The following NFIB variants were observed in gnomAD, a reference collection of about 807,000 sequenced individuals.
NFIB encodes nuclear factor I B, also known as nuclear factor 1 B-type.
A neutral mutation model predicts 61.5 loss-of-function variants in NFIB; 11 were observed. That is an observed-to-expected ratio of 0.18 (90% CI 0.11 to 0.30). The LOEUF (loss-of-function observed/expected upper bound fraction) is 0.30, where lower values mean the gene tolerates loss of function less well. Ranked by LOEUF, NFIB falls within the 10% of genes least tolerant of loss-of-function variation. NFIB has a pLI of 1.00. For synonymous variants in NFIB, 260 were observed against 216.5 expected (o/e 1.20, Z -1.76); for missense variants, 471 against 608.9 (o/e 0.77, Z 2.38).
chr9:14,439,426 A>AT, the NFIB span, among the ~76,000 whole-genome samples: 3 of 152,206 alleles, frequency 2.0e-5, no homozygotes, highest in Admixed American at 2.0e-4. Context: ...CTGTGTTTAA[A>AT]TTTCCTTCCT....
intron 1 of NFIB, among the ~76,000 whole-genome samples, chr9:14,386,916 G>C (rs147209676): frequency 1.3e-4 from 20 of 152,298 alleles, no homozygotes; most frequent in Admixed American, 5.9e-4. Flanking sequence ...TTAAAGGAAA[G>C]TCGGTTGCAT....
intron 1 of NFIB, among the ~76,000 whole-genome samples, chr9:14,322,735 G>T (rs2132825637): frequency 6.6e-6 from 1 of 152,046 alleles, no homozygotes; most frequent in East Asian, 1.9e-4. Context: ...GGCGGGAGCG[G>T]GCCCGAGTGG....
chr9:14,350,952 A>G (rs546927028), intron 1 of NFIB, among the ~76,000 whole-genome samples: 1 of 152,306 alleles, frequency 6.6e-6, no homozygotes, highest in East Asian at 1.9e-4. Flanking sequence ...CGACCTTTCT[A>G]CCCACTAGAC....
intron 1 of NFIB, among the ~76,000 whole-genome samples, chr9:14,310,336 T>C (rs10733281): frequency 0.89 from 135,247 of 152,132 alleles, 60,971 homozygotes; most frequent in Non-Finnish European, 0.96. Flanking sequence ...TTCACTATTA[T>C]GTGAATTCAA....
chr9:14,255,197 A>G (rs955791561), intron 2 of NFIB, among the ~76,000 whole-genome samples: 2 of 152,164 alleles, frequency 1.3e-5, no homozygotes, highest in Non-Finnish European at 2.9e-5. Flanking sequence ...AACTCCAACA[A>G]GGATGACAAA....
At chr9:14,385,570 T>C (rs2061540047) in intron 1 of NFIB, among the ~76,000 whole-genome samples, 1 of 152,152 alleles carries the variant, frequency 6.6e-6, no homozygotes. Context: ...ACACAGACAA[T>C]TCTTACTTAG....
chr9:14,519,864 A>T, the NFIB span, among the ~76,000 whole-genome samples: 4 of 152,202 alleles, frequency 2.6e-5, no homozygotes, highest in Admixed American at 2.0e-4. Flanking sequence ...GTCTAGCCTT[A>T]GATGCCTAGG....
At chr9:14,398,354 T>G (rs1045624556) in intron 1 of NFIB, among the ~76,000 whole-genome samples, 9 of 152,182 alleles carry the variant, frequency 5.9e-5, no homozygotes, top group Non-Finnish European at 1.0e-4. Flanking sequence ...TTATGCCAGC[T>G]CTGAAAGTTC....
chr9:14,427,205 TAA>T, the NFIB span, among the ~76,000 whole-genome samples: 1 of 152,216 alleles, frequency 6.6e-6, no homozygotes, highest in Non-Finnish European at 1.5e-5. Context: ...GAGGCAAAGA[TAA>T]TACATTGTTC....
At chr9:14,503,068 T>C in the NFIB span, among the ~76,000 whole-genome samples, 1 of 151,770 alleles carries the variant, frequency 6.6e-6, no homozygotes, top group South Asian at 2.1e-4. Context: ...TTCCTTTTTA[T>C]GGCTGAGTAG....
At chr9:14,117,876 G>A (rs781423910) in intron 8 of NFIB, among the ~76,000 whole-genome samples, 2 of 152,048 alleles carry the variant, frequency 1.3e-5, no homozygotes, top group Non-Finnish European at 2.9e-5. Flanking sequence ...AAATTGCTGT[G>A]GGGAGGAAAA....
the NFIB span, among the ~76,000 whole-genome samples, chr9:14,453,310 T>C: frequency 6.6e-6 from 1 of 152,244 alleles, no homozygotes; most frequent in Non-Finnish European, 1.5e-5. Context: ...CTGTCATGTT[T>C]GAAGATCAAA....
Position 14,131,911 on chromosome 9 carries a change from G to T in NFIB, c.926-6145C>A, listed in dbSNP as rs2040450010. Among the ~76,000 whole-genome samples, 4 of 152,158 alleles carry T rather than the reference G, an allele frequency of 2.6e-5. No homozygotes were observed. In the South Asian group the frequency reaches 8.3e-4, roughly 32 times the overall value. On this transcript the variant is annotated intron_variant, in intron 6 of 10. Coordinates refer to ENST00000380953, the MANE Select transcript of NFIB (RefSeq NM_001190737.2). ...TCAAACAGCACCTTAACACCTGCCT[G>T]TCTGGGACACCTGCTCCTTTTTCAC...
At chr9:14,317,401 G>A (rs755658604), upstream of NFIB, 5 of 152,252 alleles carry the variant, frequency 3.3e-5, no homozygotes, top group Non-Finnish European at 4.4e-5. Flanking sequence ...TCACTTAGGG[G>A]TTCAAATCTC....
intron 1 of NFIB, among the ~76,000 whole-genome samples, chr9:14,381,522 T>C (rs1158188956): frequency 6.6e-6 from 1 of 152,238 alleles, no homozygotes. Flanking sequence ...AACGATTTTT[T>C]AAATAGTAAT....
intron 4 of NFIB, among the ~76,000 whole-genome samples, chr9:14,152,071 G>A (rs1180523274): frequency 6.6e-6 from 1 of 151,986 alleles, no homozygotes; most frequent in South Asian, 2.1e-4. Flanking sequence ...ATGATTAGGA[G>A]GTACAAGCTT....
chr9:14,488,190 T>C, the NFIB span, among the ~76,000 whole-genome samples: 1 of 151,942 alleles, frequency 6.6e-6, no homozygotes, highest in African/African-American at 2.4e-5. Context: ...ATAATGAGAC[T>C]CCATCTTTAC....
At chr9:14,231,155 T>A (rs2053145102) in intron 2 of NFIB, among the ~76,000 whole-genome samples, 1 of 140,724 alleles carries the variant, frequency 7.1e-6, no homozygotes, top group Non-Finnish European at 1.5e-5. Context: ...TATATATATA[T>A]ATATATATAT....
intron 2 of NFIB, among the ~76,000 whole-genome samples, chr9:14,303,394 T>G (rs1041169301): frequency 7.2e-5 from 11 of 152,226 alleles, no homozygotes; most frequent in Admixed American, 5.9e-4. Context: ...GTTTTGTTTT[T>G]GCTTTGCTTT....
Sources: allele counts gnomAD v4.1 joint callset (sites outside exome capture counted in the v4.1 genomes callset), GRCh38; gene constraint gnomAD v4.1.1; transcripts MANE v1.5; gene names NCBI Gene and HGNC (gene_info 2026-07-23, HGNC 2026-07-21).